Variants in RNF150 observed in about 807,000 individuals in gnomAD.
RNF150 encodes the protein ring finger protein 150.
RNF150 carries 24 observed loss-of-function variants against 39.3 expected under a neutral mutation model. The ratio of observed to expected loss-of-function variants is 0.61; its 90% CI spans 0.44 to 0.86. The LOEUF (loss-of-function observed/expected upper bound fraction) is 0.86. RNF150 is among the 40% of genes least tolerant of loss of function. The pLI, the probability that RNF150 is intolerant of heterozygous loss-of-function variation, is 0.00. For missense variants in RNF150, 502 were observed against 587.8 expected, an observed-to-expected ratio of 0.85 and a Z score of 1.51; for synonymous variants, 255 against 227.3, an observed-to-expected ratio of 1.12 and a Z score of -1.10.
intron 3 of RNF150, among the ~76,000 whole-genome samples, chr4:140,947,973 T>C (rs1378581008): frequency 6.6e-6 from 1 of 152,210 alleles, no homozygotes; most frequent in Non-Finnish European, 1.5e-5. Context: ...TAAAGTACAA[T>C]TACTAACAAT....
At chr4:140,871,025 C>T (rs1243219475) in intron 6 of RNF150, among the ~76,000 whole-genome samples, 3 of 151,746 alleles carry the variant, frequency 2.0e-5, no homozygotes, top group East Asian at 1.9e-4. Context: ...TATGTATACA[C>T]ACACACACAC....
At chr4:141,151,870 C>A (rs749463829) in intron 1 of RNF150, among the ~76,000 whole-genome samples, 11 of 151,926 alleles carry the variant, frequency 7.2e-5, no homozygotes, top group Non-Finnish European at 1.3e-4. Context: ...TTTAGTAAAC[C>A]AGCTTCAAAT....
intron 1 of RNF150, among the ~76,000 whole-genome samples, chr4:141,206,391 C>T (rs1017453543): frequency 2.5e-4 from 35 of 139,596 alleles, no homozygotes; most frequent in African/African-American, 9.3e-4. Flanking sequence ...TGCACTCCAG[C>T]CCGGGTGACA....
chr4:140,959,684 T>A (rs994182236), intron 2 of RNF150, among the ~76,000 whole-genome samples: 3 of 152,116 alleles, frequency 2.0e-5, no homozygotes, highest in Non-Finnish European at 4.4e-5. Context: ...ACATGGCGTG[T>A]GAGGCTGTCC....
At chr4:141,043,076 A>C (rs546759103) in intron 1 of RNF150, among the ~76,000 whole-genome samples, 1 of 152,246 alleles carries the variant, frequency 6.6e-6, no homozygotes, top group African/African-American at 2.4e-5. Context: ...ACTTATTTTT[A>C]TTGAAAAATA....
chr4:141,194,630 C>T (rs1349798244), intron 1 of RNF150, among the ~76,000 whole-genome samples: 2 of 152,126 alleles, frequency 1.3e-5, no homozygotes, highest in Non-Finnish European at 2.9e-5. Flanking sequence ...GTTATCCATG[C>T]TTGTTTTTCC....
At chr4:141,006,504 A>C (rs1734879419) in intron 1 of RNF150, among the ~76,000 whole-genome samples, 1 of 152,208 alleles carries the variant, frequency 6.6e-6, no homozygotes, top group African/African-American at 2.4e-5. Flanking sequence ...GACAAATGTC[A>C]AGTTTCTTTA....
At chr4:140,930,593 T>C (rs1731589325) in intron 4 of RNF150, among the ~76,000 whole-genome samples, 1 of 152,220 alleles carries the variant, frequency 6.6e-6, no homozygotes, top group Admixed American at 6.5e-5. Flanking sequence ...TCAAGTCTCA[T>C]TCATGCACTC....
chr4:141,111,422 T>C (rs1045542037), intron 1 of RNF150, among the ~76,000 whole-genome samples: 1 of 152,214 alleles, frequency 6.6e-6, no homozygotes, highest in Non-Finnish European at 1.5e-5. Context: ...ATCTGGATAA[T>C]TTCGATGATA....
intron 6 of RNF150, among the ~76,000 whole-genome samples, chr4:140,874,917 G>A (rs1239342357): frequency 2.0e-5 from 3 of 152,050 alleles, no homozygotes; most frequent in African/African-American, 7.2e-5. Context: ...CTGCCTCCTT[G>A]GCCTCCCAAA....
intron 5 of RNF150, among the ~76,000 whole-genome samples, chr4:140,917,526 C>T (rs980882574): frequency 1.3e-5 from 2 of 152,032 alleles, no homozygotes; most frequent in Non-Finnish European, 2.9e-5. Context: ...ACAGGAGCAC[C>T]CAGATTCATA....
At chr4:141,047,325 C>A (rs1206828537) in intron 1 of RNF150, among the ~76,000 whole-genome samples, 1 of 152,138 alleles carries the variant, frequency 6.6e-6, no homozygotes, top group East Asian at 1.9e-4. Context: ...CGACCCCTTC[C>A]TGCACTCACA....
At chr4:141,015,229 T>TG (rs1735226764) in intron 1 of RNF150, among the ~76,000 whole-genome samples, 3 of 152,194 alleles carry the variant, frequency 2.0e-5, no homozygotes, top group African/African-American at 7.2e-5. Context: ...TGCTTCATAA[T>TG]GTTTTTAAAT....
intron 1 of RNF150, among the ~76,000 whole-genome samples, chr4:141,117,137 A>G (rs1007236993): frequency 6.6e-6 from 1 of 152,206 alleles, no homozygotes; most frequent in African/African-American, 2.4e-5. Flanking sequence ...CCAGAACTTA[A>G]AGTATAATAA....
chr4:140,896,458 AT>A, intron 6 of RNF150, among the ~76,000 whole-genome samples: 1 of 53,180 alleles, frequency 1.9e-5, no homozygotes, highest in South Asian at 8.2e-4. Flanking sequence ...AACACCGCAT[AT>A]TCTCACTCAT....
At chr4:140,919,476 C>T (rs368350094) in intron 5 of RNF150, among the ~76,000 whole-genome samples, 2,384 of 147,082 alleles carry the variant, frequency 0.016, 6 homozygotes, top group East Asian at 0.033. Context: ...ATCCAACTTA[C>T]AAGGGACGTG....
At chr4:140,994,500 C>T (rs899958172) in intron 1 of RNF150, among the ~76,000 whole-genome samples, 5 of 151,270 alleles carry the variant, frequency 3.3e-5, no homozygotes, top group South Asian at 2.1e-4. Flanking sequence ...ACACACACAC[C>T]ACTGCCTATT....
chr4:140,952,627 A>C (rs1332847481), intron 2 of RNF150, among the ~76,000 whole-genome samples: 1 of 152,182 alleles, frequency 6.6e-6, no homozygotes, highest in East Asian at 1.9e-4. Flanking sequence ...TGTAAAGCAA[A>C]CTGACGTTAA....
At chr4:141,166,748 T>C (rs1196007960) in intron 1 of RNF150, among the ~76,000 whole-genome samples, 1 of 152,170 alleles carries the variant, frequency 6.6e-6, no homozygotes, top group Non-Finnish European at 1.5e-5. Context: ...CAACACCTTT[T>C]CATGCTAAAA....
Sources: gnomAD v4.1 joint callset for allele counts (sites outside exome capture counted in the v4.1 genomes callset) on GRCh38, gnomAD v4.1.1 for gene constraint, MANE v1.5 for transcripts, NCBI Gene and HGNC (gene_info 2026-07-23, HGNC 2026-07-21) for gene names.